Variants in SORT1 observed in about 807,000 individuals in gnomAD.
SORT1 encodes the protein sortilin.
In SORT1, 39 loss-of-function variants were observed where a neutral mutation model predicts 101.7. The observed-to-expected ratio is 0.38, with a 90% confidence interval of 0.30 to 0.50. The LOEUF is 0.50. Among genes scored for constraint, SORT1 ranks in the 20% least tolerant of loss-of-function variants. SORT1 has a pLI of 0.90. For synonymous variants in SORT1, 396 were observed against 393.7 expected (o/e 1.01, Z -0.07); for missense variants, 878 against 1,040.4 (o/e 0.84, Z 2.15).
chr1:109,397,149 G>C (rs1174322278), intron 1 of SORT1: 2 of 152,164 alleles, frequency 1.3e-5, no homozygotes, highest in Non-Finnish European at 2.9e-5. Context: ...TCGCTGCTTC[G>C]GGCCTCCTGA....
chr1:109,372,260 A>G (rs1420200351), intron 1 of SORT1, among the ~76,000 whole-genome samples: 2 of 152,190 alleles, frequency 1.3e-5, no homozygotes, highest in East Asian at 3.8e-4. Context: ...ATCTTTCAAA[A>G]TATGTATTAC....
intron 1 of SORT1, among the ~76,000 whole-genome samples, chr1:109,376,222 C>T (rs893917691): frequency 6.6e-6 from 1 of 150,690 alleles, no homozygotes; most frequent in Middle Eastern, 3.4e-3. Flanking sequence ...CCCAGCTACT[C>T]GGAGAGGCTG....
chr1:109,344,444 C>T (rs758604740), intron 8 of SORT1, among the ~76,000 whole-genome samples: 2 of 152,188 alleles, frequency 1.3e-5, no homozygotes, highest in South Asian at 4.1e-4. Context: ...ATTCTCTGTG[C>T]TCCCCCCATA....
intron 11 of SORT1, among the ~76,000 whole-genome samples, chr1:109,332,521 G>C (rs1446129176): frequency 6.6e-6 from 1 of 152,132 alleles, no homozygotes; most frequent in African/African-American, 2.4e-5. Flanking sequence ...AGTGACCTAT[G>C]ATTATTCCAC....
At chr1:109,338,071 A>G (rs1199198083) in intron 10 of SORT1, among the ~76,000 whole-genome samples, 1 of 152,226 alleles carries the variant, frequency 6.6e-6, no homozygotes, top group Non-Finnish European at 1.5e-5. Flanking sequence ...TACTATGGAA[A>G]ATACTTGCGC....
chr1:109,367,502 T>A lies in SORT1; in HGVS notation c.367-21A>T, dbSNP rs72646557. On this transcript the variant is annotated intron_variant, in intron 2 of 19. Transcript: ENST00000256637. ...ATGACCTGGAGAGAGAAAAAAGCATTCCGTAAATAAAAAAGATATTCCAAT... is the reference window on the plus strand; with the variant it reads ...ATGACCTGGAGAGAGAAAAAAGCATACCGTAAATAAAAAAGATATTCCAAT... The A allele has an allele frequency of 1.5e-3, 2,212 of 1,462,834 alleles. 23 individuals are homozygous for A. The African/African-American group carries it at 0.022, about 15-fold the overall frequency. 90.6% of individuals were successfully genotyped at this position (1,462,834 alleles called of 1,614,324 possible). A position where few individuals can be genotyped will look rare whatever the true frequency, so the allele number is the denominator to read the frequency against.
chr1:109,357,748 T>C lies in SORT1; in HGVS notation c.441-2279A>G, dbSNP rs114366124. On this transcript the variant is annotated intron_variant, in intron 3 of 19. Coordinates refer to ENST00000256637, the MANE Select transcript of SORT1 (RefSeq NM_002959.7). ...ACTACATATGTCTAAGTTGTCTGAA[T>C]GACTCTATCCTTCCTTAAGTACATA... 4.3e-3 allele frequency among the ~76,000 whole-genome samples: 653 copies of C among 152,330 alleles called. 2 individuals carry two copies. Among genetic ancestry groups the C allele is most frequent in the Non-Finnish European group, 7.0e-3 (475 of 68,020 alleles).
At chr1:109,376,274 T>C (rs867184528) in intron 1 of SORT1, among the ~76,000 whole-genome samples, 132 of 140,922 alleles carry the variant, frequency 9.4e-4, no homozygotes, top group African/African-American at 3.5e-3. Flanking sequence ...GAGCTTGCAG[T>C]GAGCCGTGAT....
At chr1:109,374,879 A>C (rs1651723132) in intron 1 of SORT1, among the ~76,000 whole-genome samples, 1 of 152,204 alleles carries the variant, frequency 6.6e-6, no homozygotes, top group African/African-American at 2.4e-5. Flanking sequence ...GAATCGCTTG[A>C]ACCTGGGAGG....
intron 1 of SORT1, among the ~76,000 whole-genome samples, chr1:109,387,816 T>C (rs1175327213): frequency 6.6e-6 from 1 of 152,058 alleles, no homozygotes; most frequent in African/African-American, 2.4e-5. Flanking sequence ...CCGGGTGTGG[T>C]GGCGGGCACC....
chr1:109,365,294 G>A (rs1308803926), intron 3 of SORT1, among the ~76,000 whole-genome samples: 1 of 152,138 alleles, frequency 6.6e-6, no homozygotes, highest in Non-Finnish European at 1.5e-5. Flanking sequence ...TGTGATCATA[G>A]CTACTGCAGC....
intron 5 of SORT1, among the ~76,000 whole-genome samples, chr1:109,352,640 TACTC>T (rs946423622): frequency 1.5e-4 from 23 of 152,332 alleles, no homozygotes; most frequent in Admixed American, 5.9e-4. Flanking sequence ...CCCCTGGTAA[TACTC>T]ACATCCTAGC....
chr1:109,333,972 C>T (rs1648633849), intron 11 of SORT1, among the ~76,000 whole-genome samples: 1 of 152,074 alleles, frequency 6.6e-6, no homozygotes, highest in Admixed American at 6.5e-5. Flanking sequence ...TGGTGAAACC[C>T]CGTCACTACT....
chr1:109,341,835 C>A (rs1293885838), intron 9 of SORT1, among the ~76,000 whole-genome samples, 179 bp downstream of exon 9: 1 of 152,186 alleles, frequency 6.6e-6, no homozygotes, highest in Non-Finnish European at 1.5e-5. Flanking sequence ...AACATACACA[C>A]AAGCTACCAA....
intron 15 of SORT1, among the ~76,000 whole-genome samples, chr1:109,320,541 C>T (rs1364826685): frequency 6.6e-6 from 1 of 152,202 alleles, no homozygotes; most frequent in African/African-American, 2.4e-5. Flanking sequence ...AGTCCACTGG[C>T]ATTGATGAGC....
At position 109,313,992 on chromosome 1, in the gene SORT1, A is replaced by G; in HGVS notation, c.*51T>C. 2 of 1,570,994 alleles carry G rather than the reference A, an allele frequency of 1.3e-6. No homozygotes were observed. Among genetic ancestry groups the G allele is most frequent in the Non-Finnish European group, 1.8e-6 (2 of 1,141,418 alleles). Reference sequence around the variant, plus strand: ...CTGAAGTTGGAGCCACAGGGAGTGTAAGAGGTACTGTGGTTCCACCATCCA... The same window carrying G: ...CTGAAGTTGGAGCCACAGGGAGTGTGAGAGGTACTGTGGTTCCACCATCCA... On this transcript the variant is annotated 3_prime_UTR_variant, in exon 20 of 20. Coordinates refer to ENST00000256637, the MANE Select transcript of SORT1 (RefSeq NM_002959.7).
intron 1 of SORT1, among the ~76,000 whole-genome samples, chr1:109,390,806 C>CGT (rs4026007): frequency 4.1e-5 from 6 of 147,950 alleles, no homozygotes; most frequent in African/African-American, 1.6e-4. Flanking sequence ...TGTGCGCGCG[C>CGT]GCGTTTTAGG....
chr1:109,336,482 G>A, intron 10 of SORT1, 136 bp from the exon 11 acceptor site: 1 of 639,816 alleles, frequency 1.6e-6, no homozygotes, highest in Non-Finnish European at 2.8e-6. Flanking sequence ...TCACAAAACG[G>A]CTCATTGTTG....
chr1:109,395,349 T>C (rs1330017663), intron 1 of SORT1, among the ~76,000 whole-genome samples: 1 of 150,356 alleles, frequency 6.7e-6, no homozygotes, highest in South Asian at 2.1e-4. Flanking sequence ...GCCTCCAGAA[T>C]AACTGGAATT....
Sources: gnomAD v4.1 joint callset for allele counts (sites outside exome capture counted in the v4.1 genomes callset) on GRCh38, gnomAD v4.1.1 for gene constraint, MANE v1.5 for transcripts, NCBI Gene and HGNC (gene_info 2026-07-23, HGNC 2026-07-21) for gene names.